The following SEL1L3 variants were observed in gnomAD, a reference collection of about 807,000 sequenced individuals.
The protein encoded by SEL1L3 is SEL1L family member 3.
Under a neutral mutation model 142.8 loss-of-function variants are expected in SEL1L3, and 76 were observed. The ratio of observed to expected loss-of-function variants is 0.53; its 90% CI spans 0.44 to 0.64. The LOEUF is 0.64. SEL1L3 is among the 30% of genes least tolerant of loss of function. SEL1L3 has a pLI of 0.00. For synonymous variants in SEL1L3, 504 were observed against 519.6 expected (o/e 0.97, Z 0.41); for missense variants, 1,262 against 1,381.7 (o/e 0.91, Z 1.37).
At chr4:25,804,299 T>C (rs1397777746) in intron 10 of SEL1L3, among the ~76,000 whole-genome samples, 3 of 152,182 alleles carry the variant, frequency 2.0e-5, no homozygotes, top group Admixed American at 2.0e-4. Context: ...ACACTGTTCC[T>C]TAGCTGGTAC....
At chr4:25,723,998 G>A in the SEL1L3 span, among the ~76,000 whole-genome samples, 1 of 152,182 alleles carries the variant, frequency 6.6e-6, no homozygotes, top group Non-Finnish European at 1.5e-5. Flanking sequence ...AATGAGGATA[G>A]AAAATATTCT....
chr4:25,734,161 T>G, the SEL1L3 span, among the ~76,000 whole-genome samples: 1 of 152,084 alleles, frequency 6.6e-6, no homozygotes, highest in African/African-American at 2.4e-5. Flanking sequence ...GTAGCTGGGA[T>G]TATAGGCACA....
At chr4:25,732,707 TTTATTA>T in the SEL1L3 span, among the ~76,000 whole-genome samples, 1 of 152,022 alleles carries the variant, frequency 6.6e-6, no homozygotes, top group Non-Finnish European at 1.5e-5. Context: ...TCTTTGGTCT[TTTATTA>T]TTGAGTTTTA....
the SEL1L3 span, among the ~76,000 whole-genome samples, chr4:25,738,028 T>C: frequency 6.6e-6 from 1 of 152,088 alleles, no homozygotes; most frequent in Admixed American, 6.5e-5. Flanking sequence ...TAGCTGGGAT[T>C]ACAGTTACGT....
chr4:25,853,554 C>T (rs1306436324), intron 1 of SEL1L3, among the ~76,000 whole-genome samples: 1 of 150,460 alleles, frequency 6.6e-6, no homozygotes, highest in African/African-American at 2.5e-5. Context: ...AAAAGGGCTG[C>T]AAAATATCTC....
the SEL1L3 span, among the ~76,000 whole-genome samples, chr4:25,739,369 A>G: frequency 3.3e-5 from 5 of 152,106 alleles, no homozygotes; most frequent in African/African-American, 4.8e-5. Flanking sequence ...ACAATGAACT[A>G]TCTGGTCCAA....
chr4:25,789,793 T>C (rs1712163193), intron 12 of SEL1L3, among the ~76,000 whole-genome samples: 2 of 152,096 alleles, frequency 1.3e-5, no homozygotes, highest in African/African-American at 2.4e-5. Flanking sequence ...GCAATCAGCC[T>C]TCACAGGCTC....
intron 1 of SEL1L3, 51 bp downstream of exon 1, chr4:25,862,624 T>G: frequency 9.3e-7 from 1 of 1,073,632 alleles, no homozygotes; most frequent in Non-Finnish European, 1.2e-6. Context: ...CCCACCCGCG[T>G]CCCCGGGGCC....
intron 11 of SEL1L3, among the ~76,000 whole-genome samples, chr4:25,801,534 C>T (rs73103976): frequency 0.048 from 7,357 of 152,270 alleles, 607 homozygotes; most frequent in African/African-American, 0.17. Context: ...TACTCCCTGT[C>T]CTCTGAAAGA....
intron 9 of SEL1L3, among the ~76,000 whole-genome samples, chr4:25,813,617 T>C (rs999865947): frequency 2.6e-5 from 4 of 152,164 alleles, no homozygotes; most frequent in African/African-American, 9.7e-5. Context: ...AAGAAAAAAG[T>C]CGTGGAGCTC....
At chr4:25,760,968 T>C (rs1358376499) in intron 20 of SEL1L3, among the ~76,000 whole-genome samples, 4 of 152,170 alleles carry the variant, frequency 2.6e-5, no homozygotes, top group South Asian at 2.1e-4. Flanking sequence ...GTGGCAGAGC[T>C]GGAGCGTCAA....
In SEL1L3 at chr4:25,792,003, G is replaced by A. The variant is rs114558871; in HGVS notation, c.1957-1429C>T. Among the ~76,000 whole-genome samples the A allele has an allele frequency of 3.2e-3, 484 of 151,860 alleles. 3 individuals are homozygous for A. Among genetic ancestry groups the A allele is most frequent in the African/African-American group, 0.011 (466 of 41,392 alleles). On this transcript the variant is annotated intron_variant, in intron 11 of 23. Transcript: ENST00000399878. Reference sequence around the variant, plus strand: ...CTCAGCTGCCTCTTCTACTGGCCTCGTGAAGCCAGGGGTCCTTTCCAGGGG... The same window carrying A: ...CTCAGCTGCCTCTTCTACTGGCCTCATGAAGCCAGGGGTCCTTTCCAGGGG...
chr4:25,720,781 T>TA, the SEL1L3 span: 1 of 152,190 alleles, frequency 6.6e-6, no homozygotes, highest in African/African-American at 2.4e-5. Flanking sequence ...GTAAAGTAAA[T>TA]ACCTAAGGCA....
At chr4:25,798,808 AT>A (rs1712971857) in intron 11 of SEL1L3, among the ~76,000 whole-genome samples, 1 of 152,134 alleles carries the variant, frequency 6.6e-6, no homozygotes, top group Admixed American at 6.5e-5. Context: ...AGCCTGGGTG[AT>A]AAGAGTGAGA....
At chr4:25,783,334 T>C (rs1463197087) in intron 14 of SEL1L3, among the ~76,000 whole-genome samples, 1 of 152,212 alleles carries the variant, frequency 6.6e-6, no homozygotes, top group Non-Finnish European at 1.5e-5. Flanking sequence ...AGGAACAATC[T>C]TTTAGGTCTC....
intron 23 of SEL1L3, among the ~76,000 whole-genome samples, chr4:25,752,343 G>A (rs968027264): frequency 5.3e-5 from 8 of 150,946 alleles, no homozygotes; most frequent in South Asian, 2.1e-4. Flanking sequence ...CATGAACCCC[G>A]GAGGCGGTGG....
the SEL1L3 span, among the ~76,000 whole-genome samples, chr4:25,715,719 A>C: frequency 6.6e-6 from 1 of 152,180 alleles, no homozygotes; most frequent in African/African-American, 2.4e-5. Flanking sequence ...CATATTATGG[A>C]ATATTATATA....
At chr4:25,716,617 A>G in the SEL1L3 span, among the ~76,000 whole-genome samples, 1 of 152,250 alleles carries the variant, frequency 6.6e-6, no homozygotes, top group East Asian at 1.9e-4. Context: ...ATGTTATTAC[A>G]AAATTGAACA....
At chr4:25,734,008 G>C in the SEL1L3 span, among the ~76,000 whole-genome samples, 1 of 151,976 alleles carries the variant, frequency 6.6e-6, no homozygotes, top group African/African-American at 2.4e-5. Context: ...TAATTTGCTG[G>C]AGTTTTGTTT....
Sources: gnomAD v4.1 joint callset for allele counts (sites outside exome capture counted in the v4.1 genomes callset) on GRCh38, gnomAD v4.1.1 for gene constraint, MANE v1.5 for transcripts, NCBI Gene and HGNC (gene_info 2026-07-23, HGNC 2026-07-21) for gene names.